SPAG16: variants seen among roughly 807,000 people sequenced by gnomAD.
SPAG16 encodes sperm associated antigen 16, also known as sperm-associated antigen 16 protein.
SPAG16 carries 86 observed loss-of-function variants against 80.4 expected under a neutral mutation model. The ratio of observed to expected loss-of-function variants is 1.07; its 90% CI spans 0.90 to 1.28. SPAG16 has a LOEUF of 1.28. Among genes scored for constraint, SPAG16 ranks in the 50% most tolerant of loss-of-function variants. The pLI, the probability that SPAG16 is intolerant of heterozygous loss-of-function variation, is 0.00. For missense variants in SPAG16, 870 were observed against 765.3 expected, an observed-to-expected ratio of 1.14 and a Z score of -1.61; for synonymous variants, 294 against 265.9, an observed-to-expected ratio of 1.11 and a Z score of -1.03.
At chr2:213,702,780 G>C (rs1464156516) in intron 10 of SPAG16, among the ~76,000 whole-genome samples, 1 of 152,050 alleles carries the variant, frequency 6.6e-6, no homozygotes, top group Non-Finnish European at 1.5e-5. Context: ...ACTGTTCTTT[G>C]AAAAGGCCTA....
intron 10 of SPAG16, among the ~76,000 whole-genome samples, chr2:213,850,035 G>T (rs1324792633): frequency 6.6e-6 from 1 of 152,170 alleles, no homozygotes; most frequent in Non-Finnish European, 1.5e-5. Flanking sequence ...GTAGCAGGAA[G>T]GTTCCAGGAG....
intron 15 of SPAG16, among the ~76,000 whole-genome samples, chr2:214,214,136 T>C (rs190597138): frequency 1.2e-3 from 183 of 152,128 alleles, no homozygotes; most frequent in African/African-American, 4.2e-3. Context: ...ATGTCATTCA[T>C]ACATACTGTT....
intron 15 of SPAG16, among the ~76,000 whole-genome samples, chr2:214,215,001 C>G (rs925183230): frequency 1.3e-5 from 2 of 151,694 alleles, no homozygotes; most frequent in African/African-American, 4.8e-5. Flanking sequence ...AGGCCCAGTA[C>G]AATGGTTATA....
intron 15 of SPAG16, among the ~76,000 whole-genome samples, chr2:214,193,922 T>C (rs1388357255): frequency 6.6e-6 from 1 of 152,110 alleles, no homozygotes. Context: ...AATGATAAAA[T>C]TCTCAGACAC....
intron 7 of SPAG16, among the ~76,000 whole-genome samples, chr2:213,352,628 A>G (rs887700217): frequency 6.6e-6 from 1 of 152,246 alleles, no homozygotes; most frequent in Non-Finnish European, 1.5e-5. Flanking sequence ...GTGAGGATTC[A>G]GGTTATTTAA....
chr2:213,681,281 A>G (rs1166746629), intron 10 of SPAG16, among the ~76,000 whole-genome samples: 1 of 152,216 alleles, frequency 6.6e-6, no homozygotes, highest in East Asian at 1.9e-4. Flanking sequence ...CCAGAGTCAG[A>G]CTGAAAAGTA....
Position 213,529,463 on chromosome 2 carries a change from C to G in SPAG16, c.1070+39373C>G. On this transcript the variant is annotated intron_variant, in intron 10 of 15. Transcript: ENST00000331683. ...CTCTCCTTGGCCATGTGAGCCAGCT[C>G]TAGCACACTACTGCATTAACACACA... 1.3e-5 allele frequency among the ~76,000 whole-genome samples: 2 copies of G among 152,198 alleles called. 1 individual carries two copies. Among genetic ancestry groups the G allele is most frequent in the Non-Finnish European group, 2.9e-5 (2 of 68,028 alleles).
chr2:213,297,441 A>G (rs1247989856), intron 3 of SPAG16, 84 bp downstream of exon 3: 1 of 732,856 alleles, frequency 1.4e-6, no homozygotes, highest in Non-Finnish European at 2.3e-6. Context: ...AAATGTAAAT[A>G]CTAGTGTAGC....
intron 15 of SPAG16, among the ~76,000 whole-genome samples, chr2:214,243,490 A>G (rs1689632736): frequency 6.6e-6 from 1 of 152,058 alleles, no homozygotes; most frequent in Non-Finnish European, 1.5e-5. Context: ...AATTAATCTC[A>G]TATATTGATG....
chr2:213,992,827 A>G (rs1194832355), intron 12 of SPAG16, among the ~76,000 whole-genome samples: 1 of 152,228 alleles, frequency 6.6e-6, no homozygotes. Context: ...AAGTCATATA[A>G]AAGTTGGCCT....
At chr2:214,317,073 G>A (rs1010378905) in intron 15 of SPAG16, among the ~76,000 whole-genome samples, 4 of 152,194 alleles carry the variant, frequency 2.6e-5, no homozygotes, top group Non-Finnish European at 5.9e-5. Context: ...TGCCGTGCCT[G>A]CTGCTGATTC....
rs144741572 is a variant in SPAG16 at position 213,689,144 on chromosome 2, G to C, written c.1071-173341G>C. 1.8e-3 allele frequency among the ~76,000 whole-genome samples: 268 copies of C among 152,230 alleles called. 1 individual carries two copies. The highest frequency in any genetic ancestry group is 6.3e-3 in the African/African-American group (260 of 41,540). ...CTGGTTAGTGTTTGTATTTTTAGTA[G>C]AGTCAGGGTTTCACCATCTTGGCCA... On this transcript the variant is annotated intron_variant, in intron 10 of 15. Transcript: ENST00000331683.
intron 15 of SPAG16, among the ~76,000 whole-genome samples, chr2:214,360,181 C>T (rs1318571323): frequency 6.6e-6 from 1 of 151,806 alleles, no homozygotes; most frequent in South Asian, 2.1e-4. Flanking sequence ...TCAGGAGTTT[C>T]CCTTTAATAG....
At chr2:214,406,141 T>C (rs1414940462) in intron 15 of SPAG16, among the ~76,000 whole-genome samples, 1 of 152,160 alleles carries the variant, frequency 6.6e-6, no homozygotes, top group African/African-American at 2.4e-5. Flanking sequence ...AGCATGAATC[T>C]CAACCTTAAG....
Position 214,365,120 on chromosome 2 carries a change from A to G in SPAG16, c.1721-45020A>G, listed in dbSNP as rs138192607. ...GAAGAGAGACGATAACTGAGATTTC[A>G]AGCCTGAGTGACAGAAGGCGCGCTC... On this transcript the variant is annotated intron_variant, in intron 15 of 15. Transcript: ENST00000331683. Among the ~76,000 whole-genome samples the G allele has an allele frequency of 2.5e-3, 386 of 152,280 alleles. 3 individuals are homozygous for G. The highest frequency in any genetic ancestry group is 9.0e-3 in the African/African-American group (375 of 41,574).
chr2:214,369,490 C>A (rs146071274), intron 15 of SPAG16, among the ~76,000 whole-genome samples: 126 of 152,160 alleles, frequency 8.3e-4, no homozygotes, highest in African/African-American at 2.9e-3. Flanking sequence ...TTGCTTCTAC[C>A]TCCTTCTCCA....
chr2:213,916,656 C>A (rs2077985681), intron 11 of SPAG16, among the ~76,000 whole-genome samples: 1 of 152,100 alleles, frequency 6.6e-6, no homozygotes, highest in African/African-American at 2.4e-5. Flanking sequence ...TAATTACTTC[C>A]CACCTGCTCC....
At chr2:214,112,125 G>A (rs2053695434) in intron 14 of SPAG16, among the ~76,000 whole-genome samples, 1 of 152,170 alleles carries the variant, frequency 6.6e-6, no homozygotes, top group Admixed American at 6.5e-5. Context: ...GTGGTTTTGA[G>A]TGAGTTTCTT....
rs1363913691 is a variant in SPAG16 at position 213,774,398 on chromosome 2, T to A, written c.1071-88087T>A. 2.6e-5 allele frequency among the ~76,000 whole-genome samples: 4 copies of A among 152,226 alleles called. No individual in the cohort carries two copies. In the East Asian group the frequency reaches 7.7e-4, roughly 29 times the overall value. On this transcript the variant is annotated intron_variant, in intron 10 of 15. Coordinates refer to ENST00000331683, the MANE Select transcript of SPAG16 (RefSeq NM_024532.5). ...TTCATGTTTTTGTCTTGTAGATGCA[T>A]CACTCCAATCCTTAATCTTCACATG...
Sources: gnomAD v4.1 joint callset for allele counts (sites outside exome capture counted in the v4.1 genomes callset) on GRCh38, gnomAD v4.1.1 for gene constraint, MANE v1.5 for transcripts, NCBI Gene and HGNC (gene_info 2026-07-23, HGNC 2026-07-21) for gene names.